Variants in NT5DC3 observed in about 807,000 individuals in gnomAD.
NT5DC3 encodes the protein 5'-nucleotidase domain containing 3.
In NT5DC3, 42 loss-of-function variants were observed where a neutral mutation model predicts 67.8. The ratio of observed to expected loss-of-function variants is 0.62; its 90% CI spans 0.48 to 0.80. The LOEUF (loss-of-function observed/expected upper bound fraction) is 0.80, where lower values mean the gene tolerates loss of function less well. Ranked by LOEUF, NT5DC3 falls within the 30% of genes least tolerant of loss-of-function variation. The pLI is 0.00. For missense variants in NT5DC3, 570 were observed against 696.4 expected, an observed-to-expected ratio of 0.82 and a Z score of 2.04; for synonymous variants, 237 against 255.6, an observed-to-expected ratio of 0.93 and a Z score of 0.69.
At chr12:103,751,282 G>A in the NT5DC3 span, among the ~76,000 whole-genome samples, 1 of 152,164 alleles carries the variant, frequency 6.6e-6, no homozygotes, top group South Asian at 2.1e-4. Flanking sequence ...AGGACAGCAT[G>A]GCCAGGAGAG....
chr12:103,828,689 T>C (rs1887793811), intron 1 of NT5DC3, among the ~76,000 whole-genome samples: 1 of 140,582 alleles, frequency 7.1e-6, no homozygotes, highest in African/African-American at 2.6e-5. Flanking sequence ...TCCTGCATTT[T>C]TTCTTTCTTT....
At chr12:103,829,728 A>C (rs1887844367) in intron 1 of NT5DC3, among the ~76,000 whole-genome samples, 1 of 152,106 alleles carries the variant, frequency 6.6e-6, no homozygotes, top group Admixed American at 6.5e-5. Flanking sequence ...CATTGTCAAT[A>C]TTTGTTTAGA....
At chr12:103,746,665 T>C in the NT5DC3 span, 1 of 1,614,086 alleles carries the variant, frequency 6.2e-7, no homozygotes, top group East Asian at 2.2e-5. Flanking sequence ...CACGTGTGAG[T>C]GTAACCTGGA....
the NT5DC3 span, among the ~76,000 whole-genome samples, chr12:103,763,122 G>A: frequency 1.3e-5 from 2 of 152,164 alleles, no homozygotes; most frequent in African/African-American, 4.8e-5. Flanking sequence ...AAGTGTATAG[G>A]CTGTATGACT....
chr12:103,817,266 T>C (rs1887303649), intron 1 of NT5DC3, among the ~76,000 whole-genome samples: 1 of 152,156 alleles, frequency 6.6e-6, no homozygotes, highest in African/African-American at 2.4e-5. Context: ...AATGTGATAT[T>C]CTCATCAGAT....
chr12:103,793,551 G>T, intron 7 of NT5DC3, 39 bp from the exon 8 acceptor site: 1 of 1,437,142 alleles, frequency 7.0e-7, no homozygotes, highest in Non-Finnish European at 9.8e-7. Context: ...GATTCAGCAT[G>T]ATATTTGTCA....
chr12:103,748,658 A>G, the NT5DC3 span, among the ~76,000 whole-genome samples: 1 of 141,868 alleles, frequency 7.0e-6, no homozygotes, highest in East Asian at 2.0e-4. Context: ...ACACACACAC[A>G]CTGTCCTAAC....
At chr12:103,806,797 A>G (rs552719479) in intron 3 of NT5DC3, 58 bp downstream of exon 3, 2 of 1,095,062 alleles carry the variant, frequency 1.8e-6, no homozygotes, top group Non-Finnish European at 2.8e-6. Flanking sequence ...AAGTACCAAC[A>G]GTACATTTCA....
chr12:103,818,073 C>T (rs1037261462), intron 1 of NT5DC3, among the ~76,000 whole-genome samples: 14 of 152,190 alleles, frequency 9.2e-5, no homozygotes, highest in African/African-American at 2.7e-4. Flanking sequence ...ACAGAAGCTA[C>T]GGAATCCTCT....
the NT5DC3 span, among the ~76,000 whole-genome samples, chr12:103,750,936 C>CA: frequency 6.6e-6 from 1 of 152,176 alleles, no homozygotes; most frequent in African/African-American, 2.4e-5. Flanking sequence ...ACTAAAAATA[C>CA]AAAAAATCAG....
chr12:103,816,284 T>C (rs1887248860), intron 1 of NT5DC3, among the ~76,000 whole-genome samples: 1 of 152,250 alleles, frequency 6.6e-6, no homozygotes, highest in Non-Finnish European at 1.5e-5. Flanking sequence ...AAATTCAAAA[T>C]GCTCCAATGA....
chr12:103,819,872 T>C (rs900357053), intron 1 of NT5DC3: 1 of 152,238 alleles, frequency 6.6e-6, no homozygotes, highest in African/African-American at 2.4e-5. Context: ...ATCACCACCA[T>C]CCAGCTCCAG....
the NT5DC3 span, among the ~76,000 whole-genome samples, chr12:103,762,747 C>T: frequency 5.4e-3 from 825 of 152,304 alleles, 4 homozygotes; most frequent in Admixed American, 8.7e-3. Context: ...ACAAGCACAC[C>T]CCATGACCTA....
At chr12:103,794,151 C>CTTTT (rs796470465) in intron 6 of NT5DC3, among the ~76,000 whole-genome samples, 154 bp from the exon 7 acceptor site, 6 of 140,012 alleles carry the variant, frequency 4.3e-5, no homozygotes, top group African/African-American at 1.3e-4. Flanking sequence ...TTTTCTTCTT[C>CTTTT]TTTTTTTTTT....
intron 4 of NT5DC3, among the ~76,000 whole-genome samples, chr12:103,806,032 C>T (rs1886785022): frequency 6.6e-6 from 1 of 152,032 alleles, no homozygotes; most frequent in South Asian, 2.1e-4. Context: ...CCAGACTGCT[C>T]CCGACCTCTG....
chr12:103,840,468 C>T (rs1888365807), intron 1 of NT5DC3, among the ~76,000 whole-genome samples: 1 of 149,162 alleles, frequency 6.7e-6, no homozygotes, highest in South Asian at 2.2e-4. Flanking sequence ...CCCAACCCAC[C>T]CCCACCAAAA....
At chr12:103,836,904 G>A (rs1888171937) in intron 1 of NT5DC3, among the ~76,000 whole-genome samples, 1 of 152,168 alleles carries the variant, frequency 6.6e-6, no homozygotes, top group African/African-American at 2.4e-5. Flanking sequence ...GGGGTCTGGA[G>A]GAGAGTGGCC....
chr12:103,791,737 A>G (rs1433451722), intron 9 of NT5DC3, among the ~76,000 whole-genome samples: 6 of 152,162 alleles, frequency 3.9e-5, no homozygotes, highest in Admixed American at 3.3e-4. Flanking sequence ...GTGAGAGAGC[A>G]TTACCGCCTG....
the NT5DC3 span, chr12:103,750,669 G>C: frequency 6.2e-7 from 1 of 1,614,246 alleles, no homozygotes; most frequent in South Asian, 1.1e-5. Flanking sequence ...CTGCTTACAG[G>C]ACAATGGGCA....
Sources: allele counts gnomAD v4.1 joint callset (sites outside exome capture counted in the v4.1 genomes callset), GRCh38; gene constraint gnomAD v4.1.1; transcripts MANE v1.5; gene names NCBI Gene and HGNC (gene_info 2026-07-23, HGNC 2026-07-21).